Variants in LRRTM4 observed in about 807,000 individuals in gnomAD.
The protein encoded by LRRTM4 is leucine-rich repeat transmembrane neuronal protein 4.
LRRTM4 carries 25 observed loss-of-function variants against 47.6 expected under a neutral mutation model. That is an observed-to-expected ratio of 0.53 (90% CI 0.38 to 0.73). The LOEUF is 0.73. LRRTM4 is among the 30% of genes least tolerant of loss of function. LRRTM4 has a pLI of 0.00. For missense variants in LRRTM4, 638 were observed against 713.4 expected, an observed-to-expected ratio of 0.89 and a Z score of 1.20; for synonymous variants, 311 against 269.5, an observed-to-expected ratio of 1.15 and a Z score of -1.51.
At position 77,156,326 on chromosome 2, in the gene LRRTM4, CA is replaced by C. The variant is rs11465198; in HGVS notation, c.1551+361991del. Among the ~76,000 whole-genome samples the C allele has an allele frequency of 7.5e-3, 1,102 of 146,574 alleles. 24 individuals are homozygous for C. The highest frequency in any genetic ancestry group is 0.042 in the Admixed American group (617 of 14,680). On this transcript the variant is annotated intron_variant, in intron 3 of 3. Transcript: ENST00000409884. ...ACAAACATAAGTAAAAGACACAATACAAAAAAAAACAGAAAAAAGTCATATT... is the reference window on the plus strand; with the variant it reads ...ACAAACATAAGTAAAAGACACAATACAAAAAAAACAGAAAAAAGTCATATT...
chr2:77,260,139 T>C (rs1485479867), intron 3 of LRRTM4, among the ~76,000 whole-genome samples: 1 of 152,044 alleles, frequency 6.6e-6, no homozygotes. Context: ...TACTAGATTT[T>C]TAAGAGAGGT....
intron 3 of LRRTM4, among the ~76,000 whole-genome samples, chr2:77,136,295 C>G (rs1671939892): frequency 6.6e-6 from 1 of 152,152 alleles, no homozygotes; most frequent in South Asian, 2.1e-4. Context: ...GAAGAACGAT[C>G]AGGCAACAAC....
At chr2:76,997,965 C>T (rs1162111891) in intron 3 of LRRTM4, among the ~76,000 whole-genome samples, 1 of 151,974 alleles carries the variant, frequency 6.6e-6, no homozygotes, top group Non-Finnish European at 1.5e-5. Context: ...ATGTTACTGT[C>T]TCCCATCACC....
At chr2:77,031,920 T>G (rs763379586) in intron 3 of LRRTM4, among the ~76,000 whole-genome samples, 2 of 152,136 alleles carry the variant, frequency 1.3e-5, no homozygotes, top group Non-Finnish European at 2.9e-5. Context: ...CTCAAATCTT[T>G]CAGGCCCCTA....
chr2:77,272,562 T>G (rs1676228610), intron 3 of LRRTM4, among the ~76,000 whole-genome samples: 1 of 152,210 alleles, frequency 6.6e-6, no homozygotes, highest in South Asian at 2.1e-4. Flanking sequence ...AGTTTTATTT[T>G]CAAGATAGAG....
chr2:77,292,781 G>A lies in LRRTM4; in HGVS notation c.1551+225537C>T, dbSNP rs1273757281. On this transcript the variant is annotated intron_variant, in intron 3 of 3. Coordinates refer to ENST00000409884, the MANE Select transcript of LRRTM4 (RefSeq NM_001134745.3). ...GTTAATGGGTGCAGCACACCAGCAT[G>A]GCACATGTATACATATGTAACTAAC... Among the ~76,000 whole-genome samples the A allele has an allele frequency of 2.7e-5, 4 of 150,854 alleles. No homozygotes were observed. In the East Asian group the frequency reaches 7.8e-4, roughly 29 times the overall value.
intron 3 of LRRTM4, among the ~76,000 whole-genome samples, chr2:77,056,419 A>AGATCT (rs1358013239): frequency 6.6e-6 from 1 of 152,220 alleles, no homozygotes; most frequent in Non-Finnish European, 1.5e-5. Context: ...ATCAAGGGCA[A>AGATCT]CTACAAGACT....
intron 3 of LRRTM4, among the ~76,000 whole-genome samples, chr2:77,455,433 C>T (rs1456337238): frequency 6.6e-6 from 1 of 151,952 alleles, no homozygotes; most frequent in African/African-American, 2.4e-5. Context: ...CTAGTTGATC[C>T]ACCTGAAATC....
chr2:76,795,596 C>CATATATATAT (rs1376281533), intron 3 of LRRTM4, among the ~76,000 whole-genome samples: 6,747 of 73,314 alleles, frequency 0.092, 464 homozygotes, highest in African/African-American at 0.29. Flanking sequence ...CACACATACA[C>CATATATATAT]ACACACTACA....
intron 3 of LRRTM4, among the ~76,000 whole-genome samples, chr2:76,795,430 ATTTCCTAAAT>A (rs1162217996): frequency 6.6e-6 from 1 of 152,118 alleles, no homozygotes. Context: ...TACTGTCATT[ATTTCCTAAAT>A]AAAACATTGT....
intron 3 of LRRTM4, among the ~76,000 whole-genome samples, chr2:77,021,570 C>CA (rs1270427392): frequency 6.6e-6 from 1 of 152,098 alleles, no homozygotes; most frequent in Admixed American, 6.6e-5. Flanking sequence ...AAGAAAAGGT[C>CA]ACACTATTTG....
chr2:77,090,639 C>CGGGGG (rs1572951103), intron 3 of LRRTM4, among the ~76,000 whole-genome samples: 2 of 152,180 alleles, frequency 1.3e-5, no homozygotes, highest in East Asian at 3.9e-4. Context: ...CCTCCTCCCC[C>CGGGGG]AGGAGCTTGC....
intron 3 of LRRTM4, among the ~76,000 whole-genome samples, chr2:76,909,738 T>G (rs1027075956): frequency 8.6e-5 from 13 of 151,906 alleles, no homozygotes; most frequent in South Asian, 2.1e-4. Context: ...AAAAAACACA[T>G]GAAAAAATGC....
intron 3 of LRRTM4, among the ~76,000 whole-genome samples, chr2:77,013,203 T>G (rs1169439360): frequency 6.6e-6 from 1 of 152,164 alleles, no homozygotes; most frequent in Non-Finnish European, 1.5e-5. Flanking sequence ...ACTGAAGCAC[T>G]TGAGGTAGAA....
chr2:76,764,326 GTGAT>G (rs1426969191), intron 3 of LRRTM4, among the ~76,000 whole-genome samples: 1 of 152,186 alleles, frequency 6.6e-6, no homozygotes, highest in Non-Finnish European at 1.5e-5. Flanking sequence ...ACTTGATAAA[GTGAT>G]TAAGAATTAT....
intron 3 of LRRTM4, among the ~76,000 whole-genome samples, chr2:77,107,425 A>G (rs1054852470): frequency 2.0e-5 from 3 of 152,228 alleles, no homozygotes; most frequent in Non-Finnish European, 4.4e-5. Context: ...ATACACATAT[A>G]TACTTTTTTC....
intron 3 of LRRTM4, among the ~76,000 whole-genome samples, chr2:76,855,919 TTAAAA>T (rs1391417815): frequency 1.3e-5 from 2 of 152,128 alleles, no homozygotes; most frequent in Non-Finnish European, 1.5e-5. Flanking sequence ...AAATGGGGAA[TTAAAA>T]TAAACAATTT....
chr2:77,395,487 G>A (rs1394477386), intron 3 of LRRTM4, among the ~76,000 whole-genome samples: 2 of 151,952 alleles, frequency 1.3e-5, no homozygotes, highest in South Asian at 2.1e-4. Flanking sequence ...AGTAGCCAGT[G>A]CTTGAATTTA....
chr2:77,461,169 G>GAGAGAGAGAA (rs56836231), intron 3 of LRRTM4, among the ~76,000 whole-genome samples: 1 of 146,448 alleles, frequency 6.8e-6, no homozygotes, highest in Non-Finnish European at 1.5e-5. Flanking sequence ...GAGAGAGAGA[G>GAGAGAGAGAA]TTCTATCTGC....
Sources: gnomAD v4.1 joint callset for allele counts (sites outside exome capture counted in the v4.1 genomes callset) on GRCh38, gnomAD v4.1.1 for gene constraint, MANE v1.5 for transcripts, NCBI Gene and HGNC (gene_info 2026-07-23, HGNC 2026-07-21) for gene names.